PEX16: variants seen among roughly 807,000 people sequenced by gnomAD.
PEX16 encodes peroxin 16.
Under a neutral mutation model 50.5 loss-of-function variants are expected in PEX16, and 37 were observed. That is an observed-to-expected ratio of 0.73 (90% CI 0.56 to 0.96). The LOEUF is 0.96. Among genes scored for constraint, PEX16 ranks in the 40% least tolerant of loss-of-function variants. The pLI, the probability that PEX16 is intolerant of heterozygous loss-of-function variation, is 0.00. For missense variants in PEX16, 401 were observed against 438.3 expected, an observed-to-expected ratio of 0.91 and a Z score of 0.76; for synonymous variants, 185 against 190.3, an observed-to-expected ratio of 0.97 and a Z score of 0.23.
rs753577538 is a variant in PEX16 at position 45,914,188 on chromosome 11, A to C, written c.710T>G (p.Leu237Arg). 6.2e-6 allele frequency: 10 copies of C among 1,612,740 alleles called. No homozygotes were observed. The East Asian group carries it at 2.2e-4, about 36-fold the overall frequency. The change falls in exon 8 of 11, where the codon CTG becomes CGG. Residue 237 changes from leucine to arginine, a missense_variant. Transcript: ENST00000378750. ...GGGTTTCCACGACCTCTGACCCCAC[A>C]GGCCCAGGCTGAGCACTGACGGCCA... The part of the protein sequence containing the change: ...RPLLHLLSLG[L>R]WGQRSWKPWL...
rs567165324 is a variant in PEX16, at chr11:45,915,800, C to T, written c.262G>A (p.Val88Met). ...SQQKLLTWLS[V>M]LECVEVFMEM... ...ATGAACACCTCCACGCACTCCAGCACGCTCAGCCATGTCAGCAGCTTCTGC... is the reference window on the plus strand; with the variant it reads ...ATGAACACCTCCACGCACTCCAGCATGCTCAGCCATGTCAGCAGCTTCTGC... The change falls in exon 4 of 11, where the codon GTG becomes ATG. Residue 88 changes from valine to methionine, a missense_variant. Transcript: ENST00000378750. 245 of 1,613,884 alleles carry T rather than the reference C, an allele frequency of 1.5e-4. 1 individual carries two copies. The Admixed American group carries it at 1.9e-3, about 12-fold the overall frequency.
chr11:45,915,142 G>A (rs567675310), intron 5 of PEX16, among the ~76,000 whole-genome samples: 17 of 152,368 alleles, frequency 1.1e-4, no homozygotes, highest in African/African-American at 1.9e-4. Flanking sequence ...GATGTGGTGC[G>A]TGCCCTGCCT....
At chr11:45,918,350 T>A (rs2086862837), upstream of PEX16, 1 of 192,932 alleles carries the variant, frequency 5.2e-6, no homozygotes, top group African/African-American at 2.4e-5. Flanking sequence ...ACAGTTGCAC[T>A]GTGTCTCAGC....
intron 10 of PEX16, 73 bp from the exon 11 acceptor site, chr11:45,910,385 AC>A (rs2086764075): frequency 7.8e-7 from 1 of 1,277,514 alleles, no homozygotes; most frequent in Admixed American, 1.7e-5. Flanking sequence ...ACAGCACCTC[AC>A]CCCTGCGGCC....
chr11:45,910,103 G>C lies in PEX16; in HGVS notation c.*151C>G, dbSNP rs766444184. On this transcript the variant is annotated 3_prime_UTR_variant, in exon 11 of 11. Coordinates refer to ENST00000378750, the MANE Select transcript of PEX16 (RefSeq NM_004813.4). The stretch of plus-strand genomic sequence containing the variant: ...GGAGAGCGCAGTCAAGGGTGTCCTG[G>C]GAGGAACGCTGGTGGCGACCAGGGC... The C allele has an allele frequency of 4.0e-5, 65 of 1,611,390 alleles. No individual in the cohort carries two copies. Among genetic ancestry groups the C allele is most frequent in the Non-Finnish European group, 4.2e-5 (49 of 1,179,862 alleles).
chr11:45,917,622 C>G (rs567897868), intron 1 of PEX16, 78 bp downstream of exon 1: 1,001 of 1,486,868 alleles, frequency 6.7e-4, no homozygotes, highest in Non-Finnish European at 8.9e-4. Flanking sequence ...CGATCACTAC[C>G]CTGACTCCGC....
chr11:45,915,000 C>T (rs1423948438), intron 5 of PEX16, among the ~76,000 whole-genome samples: 2 of 152,220 alleles, frequency 1.3e-5, no homozygotes, highest in Non-Finnish European at 2.9e-5. Flanking sequence ...ACCACAGCAC[C>T]AGAGGGGCCG....
intron 10 of PEX16, 27 bp from the exon 11 acceptor site, chr11:45,910,339 G>A (rs2086763393): frequency 1.9e-6 from 3 of 1,581,092 alleles, no homozygotes; most frequent in Non-Finnish European, 2.6e-6. Flanking sequence ...ACACATCAGG[G>A]CAGGCCAGAC....
At position 45,917,784 on chromosome 11, in the gene PEX16, G is replaced by A; in HGVS notation, c.28C>T (p.Arg10Cys). The stretch of plus-strand genomic sequence containing the variant: ...TGACGAGTCACGTACTCCTGGTAGC[G>A]GAGGCCCAGGAGCCGCAGCTTCTCC... The part of the protein sequence containing the change: MEKLRLLGL[R>C]YQEYVTRHPA... The change falls in exon 1 of 11, where the codon CGC becomes TGC. Residue 10 changes from arginine to cysteine, a missense_variant. Transcript: ENST00000378750. 6.5e-7 allele frequency: 1 copy of A among 1,546,362 alleles called. No homozygotes were observed. Among genetic ancestry groups the A allele is most frequent in the Non-Finnish European group, 8.7e-7 (1 of 1,147,658 alleles).
upstream of PEX16, chr11:45,917,884 C>T (rs2134700272): frequency 9.1e-7 from 1 of 1,096,500 alleles, no homozygotes; most frequent in Non-Finnish European, 1.3e-6. Context: ...CTGCGCCCTC[C>T]TTCCTGCTTC....
At chr11:45,916,161 G>T in intron 3 of PEX16, 66 bp downstream of exon 3, 1 of 1,178,092 alleles carries the variant, frequency 8.5e-7, no homozygotes, top group Non-Finnish European at 1.3e-6. Context: ...GCACGCATGG[G>T]CTAGCTGCTA....
Position 45,909,970 on chromosome 11 carries a change from A to G in PEX16, c.*284T>C. ...CGAGGCGAGCAGCTTCCCGGGCTCC[A>G]TGAGGTGAAGTCACCGCTTTCTGTG... On this transcript the variant is annotated 3_prime_UTR_variant, in exon 11 of 11. Transcript: ENST00000378750. 4 of 919,358 alleles carry G rather than the reference A, an allele frequency of 4.4e-6. No individual in the cohort carries two copies. The highest frequency in any genetic ancestry group is 2.7e-5 in the South Asian group (2 of 74,832). 57.0% of individuals were successfully genotyped at this position (919,358 alleles called of 1,614,324 possible). A position where few individuals can be genotyped will look rare whatever the true frequency, so the allele number is the denominator to read the frequency against.
chr11:45,913,786 C>T (rs375655011), intron 9 of PEX16, 33 bp downstream of exon 9: 40 of 1,613,418 alleles, frequency 2.5e-5, no homozygotes, highest in Non-Finnish European at 3.3e-5. Flanking sequence ...CTTGCCAGCC[C>T]TCTCCCTGGC....
At chr11:45,912,535 G>A (rs1404842608) in intron 9 of PEX16, among the ~76,000 whole-genome samples, 2 of 152,008 alleles carry the variant, frequency 1.3e-5, no homozygotes, top group Non-Finnish European at 2.9e-5. Context: ...ACAGTGTCTC[G>A]CTCTGTCACC....
At position 45,914,298 on chromosome 11, in the gene PEX16, GC is replaced by G. The variant is rs775951837; in HGVS notation, c.694+17del. On this transcript the variant is annotated intron_variant, in intron 7 of 10. Coordinates refer to ENST00000378750, the MANE Select transcript of PEX16 (RefSeq NM_004813.4). ...CAGCCCACAGTGCCAGCCCTATCCTGCCCCGCGCTAAGGATACAGTGCAGCA... is the reference window on the plus strand; with the variant it reads ...CAGCCCACAGTGCCAGCCCTATCCTGCCCGCGCTAAGGATACAGTGCAGCA... 9.7e-5 allele frequency: 157 copies of G among 1,613,408 alleles called. No homozygotes were observed. Among genetic ancestry groups the G allele is most frequent in the Non-Finnish European group, 1.2e-4 (147 of 1,179,996 alleles).
At chr11:45,917,594 G>A in intron 1 of PEX16, 101 bp from the exon 2 acceptor site, 1 of 1,517,718 alleles carries the variant, frequency 6.6e-7, no homozygotes, top group Non-Finnish European at 9.0e-7. Context: ...GAACCTGGAC[G>A]GGTCTTCTCA....
chr11:45,917,846 C>T lies in PEX16; in HGVS notation c.-35G>A, dbSNP rs1201861947. The T allele has an allele frequency of 7.0e-7, 1 of 1,437,666 alleles. No homozygotes were observed. The highest frequency in any genetic ancestry group is 2.0e-5 in the Admixed American group (1 of 50,858). 89.1% of individuals were successfully genotyped at this position (1,437,666 alleles called of 1,614,324 possible). A position where few individuals can be genotyped will look rare whatever the true frequency, so the allele number is the denominator to read the frequency against. On this transcript the variant is annotated 5_prime_UTR_variant, in exon 1 of 11. Transcript: ENST00000378750. ...GGCACCGACAGACCCACAGAAGGACCGTACGACAGGCTGCGGCGCCCTGCT... is the reference window on the plus strand; with the variant it reads ...GGCACCGACAGACCCACAGAAGGACTGTACGACAGGCTGCGGCGCCCTGCT...
chr11:45,914,269 TCC>T (rs1478769612), intron 7 of PEX16, 45 bp downstream of exon 7: 1 of 1,613,058 alleles, frequency 6.2e-7, no homozygotes, highest in Non-Finnish European at 8.5e-7. Context: ...CCCCACTCAA[TCC>T]CCAGCCCACA....
intron 9 of PEX16, among the ~76,000 whole-genome samples, chr11:45,912,986 C>A (rs1296068537): frequency 1.6e-3 from 100 of 61,906 alleles, no homozygotes; most frequent in African/African-American, 3.3e-3. Context: ...CCATGTCTGG[C>A]TAATTATTAT....
Sources: gnomAD v4.1 joint callset for allele counts (sites outside exome capture counted in the v4.1 genomes callset) on GRCh38, gnomAD v4.1.1 for gene constraint, MANE v1.5 for transcripts, NCBI Gene and HGNC (gene_info 2026-07-23, HGNC 2026-07-21) for gene names.